USH2A: variants seen among roughly 807,000 people sequenced by gnomAD.
USH2A encodes usherin.
A neutral mutation model predicts 538.9 loss-of-function variants in USH2A; 443 were observed. The observed-to-expected ratio is 0.82, with a 90% confidence interval of 0.76 to 0.89. The LOEUF (loss-of-function observed/expected upper bound fraction) is 0.89. USH2A is among the 40% of genes least tolerant of loss of function. The pLI, the probability that USH2A is intolerant of heterozygous loss-of-function variation, is 0.00. For synonymous variants in USH2A, 2,413 were observed against 2,273.5 expected (o/e 1.06, Z -1.75); for missense variants, 6,633 against 6,324.8 (o/e 1.05, Z -1.65).
intron 13 of USH2A, among the ~76,000 whole-genome samples, chr1:216,236,788 C>T (rs1315785595): frequency 6.6e-6 from 1 of 152,004 alleles, no homozygotes; most frequent in Non-Finnish European, 1.5e-5. Flanking sequence ...AAAATGTCAC[C>T]CTAAAACTAT....
chr1:216,110,643 A>G (rs78874509), intron 21 of USH2A, among the ~76,000 whole-genome samples: 38 of 152,332 alleles, frequency 2.5e-4, no homozygotes, highest in Admixed American at 1.4e-3. Flanking sequence ...TATTATAAAG[A>G]CCCAGTACAA....
chr1:216,351,140 C>A (rs1331251308), intron 4 of USH2A, among the ~76,000 whole-genome samples: 1 of 151,696 alleles, frequency 6.6e-6, no homozygotes, highest in Non-Finnish European at 1.5e-5. Context: ...GTGAGTAATG[C>A]AAATAAAAAA....
Position 216,093,497 on chromosome 1 carries a change from G to A in USH2A, c.4758+3586C>T, listed in dbSNP as rs17026065. ...GCACCAGCCTGTCCAGGTGATCACC[G>A]TAAAGGATATGAAAACAACTAGACC... On this transcript the variant is annotated intron_variant, in intron 22 of 71. Transcript: ENST00000307340. Among the ~76,000 whole-genome samples the A allele has an allele frequency of 8.7e-4, 132 of 152,228 alleles. 2 individuals carry two copies. The East Asian group carries it at 0.02, about 23-fold the overall frequency.
At chr1:216,219,207 G>A (rs1000828715) in intron 14 of USH2A, among the ~76,000 whole-genome samples, 3 of 152,024 alleles carry the variant, frequency 2.0e-5, no homozygotes, top group Admixed American at 6.6e-5. Flanking sequence ...AATGTTTTGA[G>A]CAATTAAATG....
intron 44 of USH2A, among the ~76,000 whole-genome samples, chr1:215,858,144 G>A (rs1456940499): frequency 6.6e-6 from 1 of 152,096 alleles, no homozygotes; most frequent in Non-Finnish European, 1.5e-5. Context: ...GATTTCCTGT[G>A]AGATTATGTT....
At chr1:216,415,889 G>A (rs1278908255) in intron 3 of USH2A, among the ~76,000 whole-genome samples, 3 of 152,000 alleles carry the variant, frequency 2.0e-5, no homozygotes, top group African/African-American at 7.2e-5. Context: ...TCTAGGCTGG[G>A]CACTCTGGCT....
chr1:216,306,242 A>G (rs978595638), intron 9 of USH2A, among the ~76,000 whole-genome samples: 2 of 151,746 alleles, frequency 1.3e-5, no homozygotes, highest in Non-Finnish European at 1.5e-5. Context: ...TGATTGGGTT[A>G]ATTCAAAAGC....
intron 38 of USH2A, among the ~76,000 whole-genome samples, chr1:215,919,703 AT>A (rs963814766): frequency 7.9e-5 from 12 of 151,896 alleles, no homozygotes; most frequent in South Asian, 6.2e-4. Flanking sequence ...TGCAACTATT[AT>A]TTTTTTTAAG....
chr1:215,849,225 G>T (rs1195941180), intron 44 of USH2A, among the ~76,000 whole-genome samples: 1 of 152,144 alleles, frequency 6.6e-6, no homozygotes, highest in Non-Finnish European at 1.5e-5. Context: ...ACAATGGGAT[G>T]GAGGTTTTAT....
chr1:216,032,507 C>A (rs72744686), intron 32 of USH2A, among the ~76,000 whole-genome samples: 3,269 of 152,228 alleles, frequency 0.021, 55 homozygotes, highest in Non-Finnish European at 0.032. Flanking sequence ...CCCAGTGACA[C>A]ACACCTATAT....
chr1:216,243,533 G>T (rs2035975488), intron 13 of USH2A, among the ~76,000 whole-genome samples: 1 of 152,188 alleles, frequency 6.6e-6, no homozygotes, highest in South Asian at 2.1e-4. Flanking sequence ...TTGCAGTGAG[G>T]TATGGATATA....
intron 60 of USH2A, among the ~76,000 whole-genome samples, chr1:215,737,616 T>A (rs1166463888): frequency 6.6e-6 from 1 of 151,972 alleles, no homozygotes; most frequent in African/African-American, 2.4e-5. Flanking sequence ...GTCTCATAGA[T>A]CTTTGTGTCT....
At chr1:216,106,034 C>A (rs1039023257) in intron 21 of USH2A, among the ~76,000 whole-genome samples, 2 of 151,026 alleles carry the variant, frequency 1.3e-5, no homozygotes, top group African/African-American at 4.8e-5. Flanking sequence ...AATACATTTT[C>A]TTTTCCTTTT....
intron 23 of USH2A, 85 bp from the exon 24 acceptor site, chr1:216,086,905 C>T (rs2032153143): frequency 4.0e-6 from 4 of 1,008,204 alleles, no homozygotes; most frequent in Admixed American, 3.8e-5. Flanking sequence ...CTTCACCAGC[C>T]TTTGGGATAC....
At position 216,025,406 on chromosome 1, in the gene USH2A, G is replaced by A. The variant is rs544236625; in HGVS notation, c.6325+21025C>T. On this transcript the variant is annotated intron_variant, in intron 32 of 71. Transcript: ENST00000307340. ...TAATTTTACAATATTTTTATTTTCT[G>A]AATTAGTCTCTGATAGTCTCCTTAA... Among the ~76,000 whole-genome samples the A allele has an allele frequency of 1.6e-4, 24 of 148,216 alleles. No individual in the cohort carries two copies. In the South Asian group the frequency reaches 4.8e-3, roughly 30 times the overall value.
intron 30 of USH2A, among the ~76,000 whole-genome samples, chr1:216,054,206 C>T (rs938791282): frequency 6.6e-6 from 1 of 152,204 alleles, no homozygotes; most frequent in Non-Finnish European, 1.5e-5. Flanking sequence ...CTATTTCTCT[C>T]ACTATAGGAG....
chr1:216,193,670 G>T (rs2034769454), intron 19 of USH2A, among the ~76,000 whole-genome samples: 1 of 152,070 alleles, frequency 6.6e-6, no homozygotes. Flanking sequence ...AGGAGACAGA[G>T]ACACAGAGTA....
At chr1:216,013,520 A>G (rs1668628503) in intron 32 of USH2A, among the ~76,000 whole-genome samples, 1 of 152,178 alleles carries the variant, frequency 6.6e-6, no homozygotes, top group Non-Finnish European at 1.5e-5. Context: ...GTACACATCC[A>G]GATGGCCGGT....
chr1:215,717,521 T>C (rs1178181583), intron 61 of USH2A, among the ~76,000 whole-genome samples: 6 of 152,184 alleles, frequency 3.9e-5, no homozygotes, highest in Non-Finnish European at 8.8e-5. Context: ...ACAAAATGAT[T>C]GCTTATTACA....
Sources: allele counts gnomAD v4.1 joint callset (sites outside exome capture counted in the v4.1 genomes callset), GRCh38; gene constraint gnomAD v4.1.1; transcripts MANE v1.5; gene names NCBI Gene and HGNC (gene_info 2026-07-23, HGNC 2026-07-21).